Variants in ACAA1 observed in about 807,000 individuals in gnomAD.
ACAA1 encodes 3-ketoacyl-CoA thiolase, peroxisomal.
Under a neutral mutation model 48.8 loss-of-function variants are expected in ACAA1, and 44 were observed. The ratio of observed to expected loss-of-function variants is 0.90; its 90% CI spans 0.71 to 1.16. The LOEUF is 1.16. ACAA1 is among the 50% of genes most tolerant of loss of function. The pLI, the probability that ACAA1 is intolerant of heterozygous loss-of-function variation, is 0.00. For missense variants in ACAA1, 512 were observed against 562.3 expected, an observed-to-expected ratio of 0.91 and a Z score of 0.90; for synonymous variants, 233 against 226.5, an observed-to-expected ratio of 1.03 and a Z score of -0.26.
intron 2 of ACAA1, among the ~76,000 whole-genome samples, chr3:38,136,118 C>A (rs894111081): frequency 5.9e-5 from 9 of 152,232 alleles, no homozygotes; most frequent in Non-Finnish European, 1.3e-4. Context: ...ATCCCTCAAA[C>A]CTTGATTCAA....
intron 5 of ACAA1, among the ~76,000 whole-genome samples, chr3:38,130,302 T>G (rs1274506865): frequency 6.6e-6 from 1 of 152,258 alleles, no homozygotes; most frequent in African/African-American, 2.4e-5. Context: ...GTCAGTCACA[T>G]GACAGACAAA....
At chr3:38,131,884 C>T (rs1700796613) in intron 4 of ACAA1, 42 bp downstream of exon 4, 1 of 1,572,184 alleles carries the variant, frequency 6.4e-7, no homozygotes, top group South Asian at 1.1e-5. Flanking sequence ...TGACCCAAAC[C>T]CACAGGTCCA....
At chr3:38,130,690 T>G (rs1700768943) in intron 5 of ACAA1, among the ~76,000 whole-genome samples, 1 of 152,224 alleles carries the variant, frequency 6.6e-6, no homozygotes, top group African/African-American at 2.4e-5. Flanking sequence ...TCTCACCCAG[T>G]AAGATAGAAG....
At chr3:38,127,727 G>T in intron 7 of ACAA1, 59 bp downstream of exon 7, 1 of 1,563,644 alleles carries the variant, frequency 6.4e-7, no homozygotes, top group Non-Finnish European at 8.8e-7. Context: ...AGACCACTTA[G>T]ATAGACTCAA....
At chr3:38,131,827 T>C in intron 4 of ACAA1, 99 bp downstream of exon 4, 1 of 1,299,268 alleles carries the variant, frequency 7.7e-7, no homozygotes, top group South Asian at 1.2e-5. Context: ...GTGGTTAGAG[T>C]CCTCAGAAAT....
intron 11 of ACAA1, 62 bp from the exon 12 acceptor site, chr3:38,123,184 C>T: frequency 6.5e-7 from 1 of 1,529,340 alleles, no homozygotes; most frequent in Non-Finnish European, 9.1e-7. Context: ...CCAGACCAGG[C>T]TGACCCAGAA....
rs780648186 is a variant in ACAA1, at chr3:38,126,487, C to T, written c.817+23G>A. 6.2e-7 allele frequency: 1 copy of T among 1,614,184 alleles called. No homozygotes were observed. The highest frequency in any genetic ancestry group is 8.5e-7 in the Non-Finnish European group (1 of 1,180,032). ...CATGGCCATGGCCTGCTTTCTCATA[C>T]CCCTACCCCGGACCAGTCTCACCAG... On this transcript the variant is annotated intron_variant, in intron 8 of 11. Coordinates refer to ENST00000333167, the MANE Select transcript of ACAA1 (RefSeq NM_001607.4). The surrounding 1 kb of genome is among the most constrained non-coding windows in gnomAD (Gnocchi z 4.7).
chr3:38,131,720 T>A, intron 4 of ACAA1, 82 bp from the exon 5 acceptor site: 7 of 1,475,668 alleles, frequency 4.7e-6, no homozygotes, highest in Non-Finnish European at 6.6e-6. Context: ...CCACCTGGTC[T>A]CTAGATGGGA....
Position 38,127,539 on chromosome 3 carries a change from G to A in ACAA1, c.626+247C>T, listed in dbSNP as rs1200884369. Reference sequence around the variant, plus strand: ...CCCAAACCGCAGCCAGAAAATAACAGAGGGGGAAACTGAGGCCTAGCTAGG... The same window carrying A: ...CCCAAACCGCAGCCAGAAAATAACAAAGGGGGAAACTGAGGCCTAGCTAGG... On this transcript the variant is annotated intron_variant, in intron 7 of 11. Coordinates refer to ENST00000333167, the MANE Select transcript of ACAA1 (RefSeq NM_001607.4). 8 of 553,332 alleles carry A rather than the reference G, an allele frequency of 1.4e-5. No homozygotes were observed. In the East Asian group the frequency reaches 2.2e-4, roughly 15 times the overall value. 34.3% of individuals were successfully genotyped at this position (553,332 alleles called of 1,614,324 possible). A position where few individuals can be genotyped will look rare whatever the true frequency, so the allele number is the denominator to read the frequency against.
At chr3:38,134,101 CT>C in intron 2 of ACAA1, 92 bp from the exon 3 acceptor site, 1 of 1,304,342 alleles carries the variant, frequency 7.7e-7, no homozygotes, top group Non-Finnish European at 1.1e-6. Context: ...CATTCCAGAT[CT>C]TTCTTCGGGA....
At position 38,132,191 on chromosome 3, in the gene ACAA1, C is replaced by T; in HGVS notation, c.324-186G>A. ...GGGTGAGCAGCTACTGGGCAGACCC[C>T]ATCTCTGCAGGCACTTGCTCCCCAG... On this transcript the variant is annotated intron_variant, in intron 3 of 11. Transcript: ENST00000333167. The T allele has an allele frequency of 1.5e-5, 7 of 472,666 alleles. No homozygotes were observed. In the East Asian group the frequency reaches 2.8e-4, roughly 19 times the overall value. The allele number at this position is 472,666 out of a possible 1,614,324, so 29.3% of individuals were successfully genotyped here. A position where few individuals can be genotyped will look rare whatever the true frequency, so the allele number is the denominator to read the frequency against.
intron 2 of ACAA1, among the ~76,000 whole-genome samples, 181 bp downstream of exon 2, chr3:38,136,411 T>C (rs529532069): frequency 1.3e-5 from 2 of 152,298 alleles, no homozygotes; most frequent in African/African-American, 4.8e-5. Flanking sequence ...TCTTATTTCT[T>C]TTCTCAGTCT....
At chr3:38,134,548 TTGA>T (rs1559479725) in intron 2 of ACAA1, 2 of 455,578 alleles carry the variant, frequency 4.4e-6, no homozygotes. Flanking sequence ...AAACTCCATG[TTGA>T]TCTGTACAAA....
intron 7 of ACAA1, among the ~76,000 whole-genome samples, chr3:38,127,188 T>C (rs776828365): frequency 2.4e-4 from 37 of 152,342 alleles, no homozygotes; most frequent in Non-Finnish European, 4.0e-4. Flanking sequence ...CTTGCAAATA[T>C]GTGCAGCATG....
Position 38,133,991 on chromosome 3 carries a change from C to A in ACAA1, c.284G>T (p.Gly95Val). The change falls in exon 3 of 12, where the codon GGG becomes GTG. Residue 95 changes from glycine to valine, a missense_variant. Coordinates refer to ENST00000333167, the MANE Select transcript of ACAA1 (RefSeq NM_001607.4). ...DICVGNVLQP[G>V]AGAIMARIAQ... ...GATTCGGGCCATGATTGCCCCGGCCCCAGGCTGCAGCACATTTCCTGTGGA... is the reference window on the plus strand; with the variant it reads ...GATTCGGGCCATGATTGCCCCGGCCACAGGCTGCAGCACATTTCCTGTGGA... 6.2e-7 allele frequency: 1 copy of A among 1,613,996 alleles called. No individual in the cohort carries two copies. Among genetic ancestry groups the A allele is most frequent in the Non-Finnish European group, 8.5e-7 (1 of 1,179,938 alleles).
intron 2 of ACAA1, chr3:38,134,279 G>A (rs139026761): frequency 6.6e-5 from 36 of 544,770 alleles, no homozygotes; most frequent in South Asian, 6.6e-5. Flanking sequence ...CAGATGGGCA[G>A]GTTGTCTGCC....
chr3:38,136,599 G>A lies in ACAA1; in HGVS notation c.258C>T (p.Ile86=), dbSNP rs758971878. ...VNLRPEQLGD[I]CVGNVLQPGA... is the part of the protein sequence containing the mutation. ...CCTGAGTGGTTCGCTCACCGACACA[G>A]ATGTCCCCCAGCTGTTCCGGCCTCA... Residue 86 remains isoleucine, a synonymous_variant, in exon 2 of 12, where the codon ATC becomes ATT. Coordinates refer to ENST00000333167, the MANE Select transcript of ACAA1 (RefSeq NM_001607.4). 3 of 1,614,040 alleles carry A rather than the reference G, an allele frequency of 1.9e-6. No homozygotes were observed. The highest frequency in any genetic ancestry group is 1.7e-6 in the Non-Finnish European group (2 of 1,180,000).
intron 3 of ACAA1, chr3:38,133,739 T>C (rs779683430): frequency 1.0e-5 from 6 of 586,090 alleles, no homozygotes; most frequent in African/African-American, 1.9e-5. Context: ...TACAGAGAAC[T>C]TCTGCTCCAG....
In ACAA1 at chr3:38,133,964, G is replaced by A. The variant is rs1288150108; in HGVS notation, c.311C>T (p.Ala104Val). Residue 104 changes from alanine to valine, a missense_variant, in exon 3 of 12, where the codon GCC (alanine) becomes GTC (valine). Physicochemically the swap from Ala to Val is moderately conservative, Grantham distance 64. Transcript: ENST00000333167. ...PGAGAIMARI[A>V]QFLSDIPETV... is the part of the protein sequence containing the mutation. ...TAGAAAAGTTTACCTCAGAAACTGG[G>A]CGATTCGGGCCATGATTGCCCCGGC... 7 of 1,614,084 alleles carry A rather than the reference G, an allele frequency of 4.3e-6. No individual in the cohort carries two copies. Among genetic ancestry groups the A allele is most frequent in the Non-Finnish European group, 5.9e-6 (7 of 1,180,044 alleles).
Sources: gnomAD v4.1 joint callset for allele counts (sites outside exome capture counted in the v4.1 genomes callset) on GRCh38, gnomAD v4.1.1 for gene constraint, Gnocchi (gnomAD v3.1) non-coding constraint, MANE v1.5 for transcripts, NCBI Gene and HGNC (gene_info 2026-07-23, HGNC 2026-07-21) for gene names.